Variants in GALNTL6 observed in about 807,000 individuals in gnomAD.
GALNTL6 encodes polypeptide N-acetylgalactosaminyltransferase-like 6.
A neutral mutation model predicts 73.7 loss-of-function variants in GALNTL6; 46 were observed. The ratio of observed to expected loss-of-function variants is 0.62; its 90% CI spans 0.49 to 0.80. The LOEUF (loss-of-function observed/expected upper bound fraction) is 0.80, where lower values mean the gene tolerates loss of function less well. Among genes scored for constraint, GALNTL6 ranks in the 30% least tolerant of loss-of-function variants. The pLI is 0.00. For synonymous variants in GALNTL6, 259 were observed against 263.7 expected (o/e 0.98, Z 0.17); for missense variants, 604 against 755.0 (o/e 0.80, Z 2.34).
intron 2 of GALNTL6, among the ~76,000 whole-genome samples, chr4:171,951,140 C>G (rs979110798): frequency 9.3e-5 from 14 of 151,160 alleles, no homozygotes; most frequent in Non-Finnish European, 1.8e-4. Context: ...ATGACAGATA[C>G]AATTAAACAT....
At chr4:172,721,598 C>T (rs7699541) in intron 5 of GALNTL6, among the ~76,000 whole-genome samples, 152,190 of 152,314 alleles carry the variant, frequency 1, 76,034 homozygotes, top group Non-Finnish European at 1. Context: ...TACAGCTATG[C>T]CATAATTTGT....
intron 2 of GALNTL6, among the ~76,000 whole-genome samples, chr4:172,028,067 G>A (rs1741645733): frequency 6.6e-6 from 1 of 152,108 alleles, no homozygotes; most frequent in Non-Finnish European, 1.5e-5. Flanking sequence ...ACACTAAACA[G>A]CAGATTCTCA....
intron 8 of GALNTL6, among the ~76,000 whole-genome samples, chr4:172,884,775 C>A (rs1476296118): frequency 6.6e-6 from 1 of 152,128 alleles, no homozygotes; most frequent in African/African-American, 2.4e-5. Context: ...AGTCTTTAAT[C>A]TATTTTCAGT....
At chr4:171,993,816 A>G (rs1176281502) in intron 2 of GALNTL6, among the ~76,000 whole-genome samples, 1 of 151,740 alleles carries the variant, frequency 6.6e-6, no homozygotes, top group African/African-American at 2.4e-5. Context: ...ATATATGTAT[A>G]TATATGTAAT....
intron 2 of GALNTL6, among the ~76,000 whole-genome samples, chr4:171,984,519 G>A (rs994221990): frequency 5.3e-5 from 8 of 152,052 alleles, no homozygotes; most frequent in African/African-American, 1.9e-4. Flanking sequence ...GTTTTGTAGC[G>A]GGACTTTGGG....
chr4:172,092,622 TAATA>T (rs1467432766), intron 2 of GALNTL6, among the ~76,000 whole-genome samples: 3 of 151,962 alleles, frequency 2.0e-5, no homozygotes, highest in Admixed American at 2.0e-4. Context: ...TTAGCCAAAA[TAATA>T]AATAAAATAT....
chr4:172,863,274 G>A (rs575909591), intron 7 of GALNTL6, among the ~76,000 whole-genome samples: 16 of 152,244 alleles, frequency 1.1e-4, no homozygotes, highest in Non-Finnish European at 1.9e-4. Context: ...GAGGGCCACC[G>A]TCCTCCAGGC....
chr4:172,272,012 G>A (rs1738674127), intron 3 of GALNTL6, among the ~76,000 whole-genome samples: 1 of 151,830 alleles, frequency 6.6e-6, no homozygotes, highest in Non-Finnish European at 1.5e-5. Context: ...GAGTGCAGTG[G>A]CATGACCTTG....
At chr4:172,467,814 CTTT>C (rs1732880074) in intron 5 of GALNTL6, among the ~76,000 whole-genome samples, 1 of 56,080 alleles carries the variant, frequency 1.8e-5, no homozygotes. Context: ...CATTTTCTTT[CTTT>C]CTTTCTTTCT....
chr4:171,993,447 G>A (rs1740396456), intron 2 of GALNTL6, among the ~76,000 whole-genome samples: 1 of 152,102 alleles, frequency 6.6e-6, no homozygotes, highest in African/African-American at 2.4e-5. Flanking sequence ...GGACAACGGA[G>A]CTGTGTCATG....
At chr4:172,041,631 C>T (rs1742087600) in intron 2 of GALNTL6, among the ~76,000 whole-genome samples, 1 of 152,060 alleles carries the variant, frequency 6.6e-6, no homozygotes, top group African/African-American at 2.4e-5. Flanking sequence ...TAATTGCCTA[C>T]ATTAGAACTA....
intron 5 of GALNTL6, among the ~76,000 whole-genome samples, chr4:172,487,684 G>C (rs1174051510): frequency 1.3e-5 from 2 of 151,988 alleles, no homozygotes; most frequent in African/African-American, 4.8e-5. Context: ...CACCACACCC[G>C]ACCATGTTTT....
intron 4 of GALNTL6, among the ~76,000 whole-genome samples, chr4:172,331,339 G>A (rs1392992339): frequency 6.6e-6 from 1 of 151,906 alleles, no homozygotes; most frequent in Non-Finnish European, 1.5e-5. Context: ...GAGTGCAGTG[G>A]TGCGATCTGG....
intron 3 of GALNTL6, among the ~76,000 whole-genome samples, chr4:172,247,461 A>G (rs1737701252): frequency 6.6e-6 from 1 of 152,212 alleles, no homozygotes; most frequent in Non-Finnish European, 1.5e-5. Flanking sequence ...TTTCTCACAC[A>G]GAGAGCCTCA....
At chr4:172,244,406 T>A (rs114686241) in intron 3 of GALNTL6, among the ~76,000 whole-genome samples, 119 of 152,272 alleles carry the variant, frequency 7.8e-4, no homozygotes, top group Non-Finnish European at 1.2e-3. Flanking sequence ...TCAGTTTATA[T>A]TAAAAGATAT....
chr4:172,389,361 C>T (rs1176913647), intron 5 of GALNTL6, among the ~76,000 whole-genome samples: 1 of 151,874 alleles, frequency 6.6e-6, no homozygotes, highest in African/African-American at 2.4e-5. Flanking sequence ...AAAAAAAGTA[C>T]TCAGTGGTGC....
At chr4:172,594,403 T>C (rs1180693186) in intron 5 of GALNTL6, among the ~76,000 whole-genome samples, 1 of 152,170 alleles carries the variant, frequency 6.6e-6, no homozygotes, top group Non-Finnish European at 1.5e-5. Flanking sequence ...TTCTATATCT[T>C]TCTCCACATT....
intron 2 of GALNTL6, among the ~76,000 whole-genome samples, chr4:172,051,302 G>T (rs1730855673): frequency 6.6e-6 from 1 of 152,198 alleles, no homozygotes; most frequent in Non-Finnish European, 1.5e-5. Flanking sequence ...GTGTATTACA[G>T]TGCGTTCTTT....
intron 2 of GALNTL6, among the ~76,000 whole-genome samples, chr4:172,098,643 A>T (rs1420788593): frequency 6.6e-6 from 1 of 152,060 alleles, no homozygotes; most frequent in African/African-American, 2.4e-5. Flanking sequence ...ATGGAGGGTT[A>T]TATATTGCAA....
Sources: allele counts gnomAD v4.1 joint callset (sites outside exome capture counted in the v4.1 genomes callset), GRCh38; gene constraint gnomAD v4.1.1; transcripts MANE v1.5; gene names NCBI Gene and HGNC (gene_info 2026-07-23, HGNC 2026-07-21).